The following PEPD variants were observed in gnomAD, a reference collection of about 807,000 sequenced individuals.
PEPD encodes peptidase D, also known as xaa-Pro dipeptidase.
PEPD carries 53 observed loss-of-function variants against 60.7 expected under a neutral mutation model. That is an observed-to-expected ratio of 0.87 (90% CI 0.70 to 1.10). The LOEUF (loss-of-function observed/expected upper bound fraction) is 1.10. PEPD is among the 50% of genes least tolerant of loss of function. PEPD has a pLI of 0.00. For synonymous variants in PEPD, 267 were observed against 284.1 expected (o/e 0.94, Z 0.60); for missense variants, 711 against 711.9 (o/e 1.00, Z 0.01).
intron 9 of PEPD, among the ~76,000 whole-genome samples, chr19:33,432,331 G>A (rs1243520350): frequency 6.6e-6 from 1 of 152,220 alleles, no homozygotes; most frequent in Admixed American, 6.5e-5. Flanking sequence ...TTTTGCACAG[G>A]GAGCTAGAGA....
At chr19:33,510,108 C>G (rs1970892244) in intron 3 of PEPD, among the ~76,000 whole-genome samples, 1 of 152,218 alleles carries the variant, frequency 6.6e-6, no homozygotes, top group African/African-American at 2.4e-5. Context: ...CCTCGCAGGG[C>G]CAAACCCTCA....
At chr19:33,412,637 A>G (rs1968803351) in intron 10 of PEPD, among the ~76,000 whole-genome samples, 1 of 152,262 alleles carries the variant, frequency 6.6e-6, no homozygotes, top group Admixed American at 6.5e-5. Flanking sequence ...TGTAATATTT[A>G]TGGCCCTGCT....
intron 7 of PEPD, among the ~76,000 whole-genome samples, chr19:33,468,480 C>A (rs1417485099): frequency 6.6e-6 from 1 of 152,222 alleles, no homozygotes; most frequent in African/African-American, 2.4e-5. Context: ...AGCTGGCCTC[C>A]ATCGAGGCAG....
chr19:33,472,161 CAAAA>C (rs35352427), intron 7 of PEPD, among the ~76,000 whole-genome samples: 1 of 126,762 alleles, frequency 7.9e-6, no homozygotes, highest in Non-Finnish European at 1.7e-5. Flanking sequence ...AACTCCATCT[CAAAA>C]AAAAAAAAAA....
intron 4 of PEPD, among the ~76,000 whole-genome samples, chr19:33,494,614 A>C (rs1057023258): frequency 6.6e-6 from 1 of 152,228 alleles, no homozygotes; most frequent in African/African-American, 2.4e-5. Flanking sequence ...TGCAATTTTT[A>C]GCAGTCACTA....
At position 33,490,057 on chromosome 19, in the gene PEPD, G is replaced by A. The variant is rs61734505; in HGVS notation, c.442C>T (p.Arg148Cys). The change falls in exon 6 of 15, where the codon CGT becomes TGT. Residue 148 changes from arginine (R) to cysteine (C), a missense_variant and splice_region_variant. By Grantham distance (180) the Arg-to-Cys change is radical (BLOSUM62 -3). Coordinates refer to ENST00000244137, the MANE Select transcript of PEPD (RefSeq NM_000285.4). ...SQKPSVLLTLRGVNTDSGSVC... is the reference protein window; with the variant it reads ...SQKPSVLLTLCGVNTDSGSVC... ...CTGCCGCTGTCCGTGTTGACGCCACGCTGGGGAGAGAGAACACAGACATGA... is the reference window on the plus strand; with the variant it reads ...CTGCCGCTGTCCGTGTTGACGCCACACTGGGGAGAGAGAACACAGACATGA... 1.9e-3 allele frequency: 3,105 copies of A among 1,610,304 alleles called. 42 individuals are homozygous for A. The African/African-American group carries it at 0.036, about 19-fold the overall frequency.
chr19:33,483,239 G>A (rs1014096175), intron 6 of PEPD, among the ~76,000 whole-genome samples: 4 of 152,150 alleles, frequency 2.6e-5, no homozygotes, highest in African/African-American at 4.8e-5. Context: ...GAAAATCAGC[G>A]ATCTAAACTT....
intron 6 of PEPD, among the ~76,000 whole-genome samples, chr19:33,485,658 T>C: frequency 6.6e-6 from 1 of 152,152 alleles, no homozygotes; most frequent in Non-Finnish European, 1.5e-5. Flanking sequence ...CATCTTCGGA[T>C]ATTAATATTC....
At chr19:33,392,502 G>A (rs765802824) in intron 12 of PEPD, among the ~76,000 whole-genome samples, 19 of 152,148 alleles carry the variant, frequency 1.2e-4, no homozygotes, top group Non-Finnish European at 2.4e-4. Flanking sequence ...GGCAGGCCAC[G>A]TGCTGGCAGA....
intron 1 of PEPD, among the ~76,000 whole-genome samples, chr19:33,518,611 T>A (rs1279448548): frequency 6.6e-6 from 1 of 152,152 alleles, no homozygotes; most frequent in African/African-American, 2.4e-5. Context: ...CCACCATGAC[T>A]CCTTCCCTCA....
intron 9 of PEPD, among the ~76,000 whole-genome samples, chr19:33,447,906 G>A (rs984733957): frequency 1.3e-5 from 2 of 152,222 alleles, no homozygotes; most frequent in Admixed American, 1.3e-4. Flanking sequence ...GGAGGTTCCT[G>A]AGGACGCAAA....
At chr19:33,450,327 A>G (rs1969674213) in intron 9 of PEPD, among the ~76,000 whole-genome samples, 1 of 152,248 alleles carries the variant, frequency 6.6e-6, no homozygotes, top group South Asian at 2.1e-4. Flanking sequence ...GCCCCTGCCC[A>G]GAAAGGCAGT....
At chr19:33,464,923 A>C (rs1969993297) in intron 7 of PEPD, among the ~76,000 whole-genome samples, 1 of 152,064 alleles carries the variant, frequency 6.6e-6, no homozygotes, top group African/African-American at 2.4e-5. Context: ...GCGGGCACAG[A>C]AAGGGCAGCC....
Position 33,511,221 on chromosome 19 carries a change from G to C in PEPD, c.202-66C>G, listed in dbSNP as rs898526034. The stretch of plus-strand genomic sequence containing the variant: ...GAGGTGCAAGGAGGGACCGGTGGCT[G>C]CATCACAGCACCCTAGAGAGCCAGC... On this transcript the variant is annotated intron_variant, in intron 2 of 14. Coordinates refer to ENST00000244137, the MANE Select transcript of PEPD (RefSeq NM_000285.4). 5 of 1,558,826 alleles carry C rather than the reference G, an allele frequency of 3.2e-6. No individual in the cohort carries two copies. In the African/African-American group the frequency reaches 6.8e-5, roughly 21 times the overall value.
At chr19:33,491,985 T>TA (rs1970507751) in intron 5 of PEPD, among the ~76,000 whole-genome samples, 1 of 149,892 alleles carries the variant, frequency 6.7e-6, no homozygotes, top group South Asian at 2.1e-4. Flanking sequence ...TATTTCTAAT[T>TA]AGACGGGGAG....
chr19:33,417,417 C>T (rs970196335), intron 9 of PEPD, among the ~76,000 whole-genome samples: 7 of 152,272 alleles, frequency 4.6e-5, no homozygotes, highest in South Asian at 2.1e-4. Context: ...GGGTGTGTTC[C>T]GCACCCCGGT....
intron 4 of PEPD, among the ~76,000 whole-genome samples, chr19:33,494,754 C>T (rs995825676): frequency 6.6e-6 from 1 of 152,204 alleles, no homozygotes; most frequent in African/African-American, 2.4e-5. Flanking sequence ...ATGAGAATGG[C>T]TTACAGATTA....
chr19:33,489,954 G>A (rs753398027), intron 6 of PEPD, 42 bp downstream of exon 6: 3 of 1,189,098 alleles, frequency 2.5e-6, no homozygotes, highest in African/African-American at 1.5e-5. Context: ...AGGTGGGAGT[G>A]GGGGATGGTG....
chr19:33,500,887 G>C (rs773186608), intron 4 of PEPD, 51 bp downstream of exon 4: 2 of 1,021,614 alleles, frequency 2.0e-6, no homozygotes, highest in South Asian at 2.5e-5. Flanking sequence ...TCCAGGAGTG[G>C]AAGGCATGCT....
Sources: allele counts gnomAD v4.1 joint callset (sites outside exome capture counted in the v4.1 genomes callset), GRCh38; gene constraint gnomAD v4.1.1; transcripts MANE v1.5; gene names NCBI Gene and HGNC (gene_info 2026-07-23, HGNC 2026-07-21).